The following MMP16 variants were observed in gnomAD, a reference collection of about 807,000 sequenced individuals.
The protein encoded by MMP16 is matrix metalloproteinase-16.
In MMP16, 12 loss-of-function variants were observed where a neutral mutation model predicts 67.8. The ratio of observed to expected loss-of-function variants is 0.18; its 90% CI spans 0.11 to 0.29. The LOEUF is 0.29. Among genes scored for constraint, MMP16 ranks in the 10% least tolerant of loss-of-function variants. The probability of loss-of-function intolerance (pLI) is 1.00; values close to 1 mark genes in which losing one functional copy is unlikely to be tolerated. For missense variants in MMP16, 475 were observed against 765.7 expected (o/e 0.62, Z 4.48); for synonymous variants, 249 against 255.9 (o/e 0.97, Z 0.26).
chr8:88,142,945 A>G (rs1342562493), intron 4 of MMP16, among the ~76,000 whole-genome samples: 4 of 152,196 alleles, frequency 2.6e-5, no homozygotes, highest in African/African-American at 9.6e-5. Context: ...TTATCTGAAG[A>G]CTAATAATCA....
chr8:88,088,366 A>G (rs996913052), intron 6 of MMP16, among the ~76,000 whole-genome samples: 5 of 151,970 alleles, frequency 3.3e-5, no homozygotes, highest in Non-Finnish European at 4.4e-5. Context: ...GGGTTTGCCC[A>G]GGAGGGAATG....
At position 88,247,119 on chromosome 8, in the gene MMP16, G is replaced by T. The variant is rs183660414; in HGVS notation, c.133-49813C>A. Among the ~76,000 whole-genome samples the T allele has an allele frequency of 3.5e-3, 540 of 152,192 alleles. 4 individuals are homozygous for T. The highest frequency in any genetic ancestry group is 6.8e-3 in the Middle Eastern group (2 of 294). The stretch of plus-strand genomic sequence containing the variant: ...GCTCCAAGAACCGCAGAGCCATAAT[G>T]AGGTCATTCAGGGTAGGGGCACGGT... On this transcript the variant is annotated intron_variant, in intron 1 of 9. Transcript: ENST00000286614.
chr8:88,091,099 A>G (rs1221999178), intron 6 of MMP16, among the ~76,000 whole-genome samples: 1 of 151,788 alleles, frequency 6.6e-6, no homozygotes, highest in African/African-American at 2.4e-5. Flanking sequence ...TTCAATCACC[A>G]TAATTAAATC....
intron 4 of MMP16, among the ~76,000 whole-genome samples, chr8:88,133,799 C>A (rs556175100): frequency 6.6e-5 from 10 of 151,824 alleles, no homozygotes; most frequent in African/African-American, 2.2e-4. Flanking sequence ...TATCATGGTT[C>A]GCATTATAAC....
At chr8:88,238,033 A>C (rs774549493) in intron 1 of MMP16, among the ~76,000 whole-genome samples, 1 of 152,228 alleles carries the variant, frequency 6.6e-6, no homozygotes, top group Non-Finnish European at 1.5e-5. Flanking sequence ...AAAATTACTT[A>C]TAAAGTGATG....
At chr8:88,317,436 G>A (rs1009604309) in intron 1 of MMP16, among the ~76,000 whole-genome samples, 1 of 152,068 alleles carries the variant, frequency 6.6e-6, no homozygotes, top group Non-Finnish European at 1.5e-5. Flanking sequence ...TTTTAATTAA[G>A]GTATGTACAT....
At chr8:88,043,198 G>A (rs912857261) in intron 9 of MMP16, among the ~76,000 whole-genome samples, 2 of 152,134 alleles carry the variant, frequency 1.3e-5, no homozygotes. Flanking sequence ...ACATGCTCAT[G>A]TTCTGGTGAA....
At chr8:88,125,888 C>T (rs950022221) in intron 4 of MMP16, among the ~76,000 whole-genome samples, 1 of 151,886 alleles carries the variant, frequency 6.6e-6, no homozygotes, top group Admixed American at 6.6e-5. Flanking sequence ...TGGAGGCCTA[C>T]TTGCCTCTCT....
chr8:88,074,524 T>C, intron 7 of MMP16, 81 bp downstream of exon 7: 1 of 1,283,692 alleles, frequency 7.8e-7, no homozygotes, highest in Middle Eastern at 2.0e-4. Context: ...GTAATCTCAT[T>C]TCATCACTTT....
Position 88,032,576 on chromosome 8 carries a change from GA to G in MMP16, c.*8884del, listed in dbSNP as rs1444523076. The G allele has an allele frequency of 6.6e-6, 1 of 151,938 alleles. No homozygotes were observed. Among genetic ancestry groups the G allele is most frequent in the Non-Finnish European group, 1.5e-5 (1 of 67,984 alleles). The allele number at this position is 151,938 out of a possible 1,614,324, so 9.4% of individuals were successfully genotyped here. Reference sequence around the variant, plus strand: ...CAATGCACTGATCAATAAAATCAATGAAAAAATTAATTTAAGCACCACAAAA... The same window carrying G: ...CAATGCACTGATCAATAAAATCAATGAAAAATTAATTTAAGCACCACAAAA... On this transcript the variant is annotated 3_prime_UTR_variant, in exon 10 of 10. Coordinates refer to ENST00000286614, the MANE Select transcript of MMP16 (RefSeq NM_005941.5).
intron 1 of MMP16, among the ~76,000 whole-genome samples, chr8:88,212,454 T>C (rs1294191369): frequency 6.6e-6 from 1 of 152,074 alleles, no homozygotes; most frequent in East Asian, 1.9e-4. Flanking sequence ...TATATATCTG[T>C]CCATGCTTCA....
At chr8:88,302,947 G>T (rs900265619) in intron 1 of MMP16, among the ~76,000 whole-genome samples, 2 of 152,166 alleles carry the variant, frequency 1.3e-5, no homozygotes, top group Admixed American at 6.5e-5. Flanking sequence ...CAAGAGAAGC[G>T]GTGAGTGATT....
At chr8:88,134,584 T>C (rs1480459373) in intron 4 of MMP16, among the ~76,000 whole-genome samples, 1 of 151,654 alleles carries the variant, frequency 6.6e-6, no homozygotes, top group Non-Finnish European at 1.5e-5. Flanking sequence ...AATGTCTAAA[T>C]AATTTTAAAC....
rs897798654 is a variant in MMP16, at chr8:88,116,499, T to A, written c.1083+8A>T. On this transcript the variant is annotated splice_region_variant and intron_variant, in intron 6 of 9. Transcript: ENST00000286614. ...ACTGTTAAAAAAAAAAAAATCACAG[T>A]CTCCTACCTTGAAAACAAACATCTC... is the stretch of plus-strand genomic sequence containing the variant. The A allele has an allele frequency of 5.4e-5, 86 of 1,600,224 alleles. No individual in the cohort carries two copies. The highest frequency in any genetic ancestry group is 4.2e-4 in the South Asian group (37 of 87,742).
intron 4 of MMP16, among the ~76,000 whole-genome samples, chr8:88,144,038 C>T (rs1342303601): frequency 6.6e-6 from 1 of 151,786 alleles, no homozygotes; most frequent in African/African-American, 2.4e-5. Flanking sequence ...ATAAACTGTG[C>T]CAGTAAAATC....
chr8:88,246,255 T>C (rs1469348672), intron 1 of MMP16, among the ~76,000 whole-genome samples: 1 of 152,186 alleles, frequency 6.6e-6, no homozygotes, highest in Non-Finnish European at 1.5e-5. Context: ...TTTAGATGAC[T>C]TGTCAAGTTA....
At chr8:88,248,247 A>G (rs1046560798) in intron 1 of MMP16, among the ~76,000 whole-genome samples, 1 of 152,124 alleles carries the variant, frequency 6.6e-6, no homozygotes, top group African/African-American at 2.4e-5. Flanking sequence ...AAGTAAGCAT[A>G]TTGAATATCA....
At chr8:88,083,919 C>T (rs544721735) in intron 6 of MMP16, among the ~76,000 whole-genome samples, 1 of 152,116 alleles carries the variant, frequency 6.6e-6, no homozygotes, top group African/African-American at 2.4e-5. Flanking sequence ...CAAAAATTTT[C>T]ATGTTGTGGT....
intron 6 of MMP16, among the ~76,000 whole-genome samples, chr8:88,114,049 G>A (rs1042613104): frequency 2.6e-5 from 4 of 151,838 alleles, no homozygotes; most frequent in African/African-American, 9.7e-5. Context: ...CCTCTCAGAA[G>A]TGTTTCAAAA....
Sources: allele counts gnomAD v4.1 joint callset (sites outside exome capture counted in the v4.1 genomes callset), GRCh38; gene constraint gnomAD v4.1.1; transcripts MANE v1.5; gene names NCBI Gene and HGNC (gene_info 2026-07-23, HGNC 2026-07-21).